The following LAMA3 variants were observed in gnomAD, a reference collection of about 807,000 sequenced individuals.
LAMA3 encodes the protein laminin subunit alpha-3.
LAMA3 carries 281 observed loss-of-function variants against 402.0 expected under a neutral mutation model. That is an observed-to-expected ratio of 0.70 (90% confidence interval 0.63 to 0.77). The LOEUF (loss-of-function observed/expected upper bound fraction) is 0.77, where lower values mean the gene tolerates loss of function less well. Ranked by LOEUF, LAMA3 falls within the 30% of genes least tolerant of loss-of-function variation. The pLI, the probability that LAMA3 is intolerant of heterozygous loss-of-function variation, is 0.00. For missense variants in LAMA3, 3,840 were observed against 4,215.5 expected (o/e 0.91, Z 2.47); for synonymous variants, 1,431 against 1,558.4 (o/e 0.92, Z 1.93).
At chr18:23,722,486 G>T (rs1364855440) in intron 2 of LAMA3, among the ~76,000 whole-genome samples, 1 of 152,212 alleles carries the variant, frequency 6.6e-6, no homozygotes, top group Non-Finnish European at 1.5e-5. Context: ...TTCCAATACT[G>T]TTGTTTTCTT....
At chr18:23,821,060 G>A (rs1289223585) in intron 19 of LAMA3, among the ~76,000 whole-genome samples, 1 of 152,132 alleles carries the variant, frequency 6.6e-6, no homozygotes, top group Admixed American at 6.6e-5. Flanking sequence ...AAATTCCATT[G>A]TGTCATAATA....
chr18:23,708,171 T>A (rs999887771), intron 1 of LAMA3, among the ~76,000 whole-genome samples: 3 of 152,206 alleles, frequency 2.0e-5, no homozygotes, highest in Non-Finnish European at 4.4e-5. Flanking sequence ...CGGTCTGACA[T>A]ACCACCTATG....
rs947043432 is a variant in LAMA3, at chr18:23,890,061, A to G, written c.5354A>G (p.Gln1785Arg). 1 of 1,614,228 alleles carries G rather than the reference A, an allele frequency of 6.2e-7. No individual in the cohort carries two copies. Among genetic ancestry groups the G allele is most frequent in the Admixed American group, 1.7e-5 (1 of 60,030 alleles). The change falls in exon 42 of 75, where the codon CAA becomes CGA. Residue 1785 changes from glutamine (Q) to arginine (R), a missense_variant. Around this residue, in one of 3 missense-constraint regions of LAMA3, gnomAD observed 2,109 missense variants for 2,376.0 expected, o/e 0.89. Coordinates refer to ENST00000313654, the MANE Select transcript of LAMA3 (RefSeq NM_198129.4). ...GNPQKFGGSCQPCSCNSNGQL... is the reference protein window; with the variant it reads ...GNPQKFGGSCRPCSCNSNGQL... ...CCCCAGAAATTCGGAGGTAGCTGCCAACCATGCAGTTGTAACAGCAATGGC... is the reference window on the plus strand; with the variant it reads ...CCCCAGAAATTCGGAGGTAGCTGCCGACCATGCAGTTGTAACAGCAATGGC...
At chr18:23,903,471 C>G (rs8092118) in intron 49 of LAMA3, among the ~76,000 whole-genome samples, 6,229 of 152,162 alleles carry the variant, frequency 0.041, 431 homozygotes, top group African/African-American at 0.14. Flanking sequence ...TTTAGCAGTT[C>G]AATGGGGATT....
At chr18:23,944,702 G>A (rs2082644762) in intron 69 of LAMA3, among the ~76,000 whole-genome samples, 1 of 152,182 alleles carries the variant, frequency 6.6e-6, no homozygotes, top group South Asian at 2.1e-4. Context: ...CTGGAGGTGG[G>A]AATTAGCTGA....
intron 12 of LAMA3, among the ~76,000 whole-genome samples, chr18:23,788,899 T>C (rs972057368): frequency 2.0e-5 from 3 of 151,404 alleles, no homozygotes; most frequent in African/African-American, 7.3e-5. Flanking sequence ...TATACACACA[T>C]ATATATAATA....
intron 38 of LAMA3, 40 bp downstream of exon 38, chr18:23,871,701 T>G: frequency 6.6e-7 from 1 of 1,522,098 alleles, no homozygotes; most frequent in East Asian, 2.4e-5. Flanking sequence ...CCTAGGGAGC[T>G]CCTGTGGCCG....
intron 43 of LAMA3, 128 bp from the exon 44 acceptor site, chr18:23,894,779 G>A (rs2145059498): frequency 4.3e-6 from 5 of 1,150,728 alleles, no homozygotes; most frequent in Non-Finnish European, 1.3e-6. Context: ...CCCTGAGAAG[G>A]CCAGGGCTGT....
intron 38 of LAMA3, chr18:23,872,952 G>C: frequency 6.5e-7 from 1 of 1,535,104 alleles, no homozygotes; most frequent in Non-Finnish European, 8.9e-7. Flanking sequence ...TTCCTCACCT[G>C]AGTCAGGCAG....
intron 8 of LAMA3, among the ~76,000 whole-genome samples, chr18:23,770,849 A>G (rs988291684): frequency 1.3e-5 from 2 of 152,196 alleles, no homozygotes; most frequent in African/African-American, 2.4e-5. Context: ...ACATACTACT[A>G]CATACTCCCC....
At chr18:23,719,494 C>A (rs1187616719) in intron 2 of LAMA3, among the ~76,000 whole-genome samples, 1 of 152,092 alleles carries the variant, frequency 6.6e-6, no homozygotes, top group Non-Finnish European at 1.5e-5. Context: ...ATAGGGGAAA[C>A]TGCATTATAA....
At chr18:23,804,775 C>T (rs2062930404) in intron 12 of LAMA3, among the ~76,000 whole-genome samples, 1 of 152,132 alleles carries the variant, frequency 6.6e-6, no homozygotes, top group African/African-American at 2.4e-5. Context: ...TATTGTCCTC[C>T]TGATAGTGGG....
At chr18:23,838,911 G>A (rs553850427) in intron 26 of LAMA3, 33 bp downstream of exon 26, 3 of 1,259,022 alleles carry the variant, frequency 2.4e-6, no homozygotes, top group Non-Finnish European at 3.5e-6. Flanking sequence ...CCCCGTTCAT[G>A]TTCTGAGTGA....
chr18:23,804,928 A>G (rs1280576179), intron 12 of LAMA3, among the ~76,000 whole-genome samples: 1 of 152,182 alleles, frequency 6.6e-6, no homozygotes, highest in Non-Finnish European at 1.5e-5. Flanking sequence ...TGAGACCCTC[A>G]CCAGAAGCAG....
At chr18:23,717,984 C>T (rs916076005) in intron 2 of LAMA3, among the ~76,000 whole-genome samples, 43 of 152,060 alleles carry the variant, frequency 2.8e-4, no homozygotes, top group African/African-American at 1.0e-3. Flanking sequence ...TTTAATTATA[C>T]ATTATGCAGT....
At chr18:23,940,791 G>C (rs972647748) in intron 68 of LAMA3, among the ~76,000 whole-genome samples, 3 of 152,116 alleles carry the variant, frequency 2.0e-5, no homozygotes, top group Non-Finnish European at 4.4e-5. Flanking sequence ...TTCCAAAACT[G>C]TGCTAGTAGA....
rs1436166310 is a variant in LAMA3 at position 23,879,558 on chromosome 18, A to G, written c.5113-2378A>G. ...ACCCTTCTTTACATCGCTAGAGCCT[A>G]GCATAGTTGGGCATATAGTAAATGC... On this transcript the variant is annotated intron_variant, in intron 39 of 74. Transcript: ENST00000313654. This position sits in a 1 kb window ranked among gnomAD's most constrained non-coding sequence, Gnocchi z 4.2. 1.3e-5 allele frequency among the ~76,000 whole-genome samples: 2 copies of G among 152,200 alleles called. No individual in the cohort carries two copies. Among genetic ancestry groups the G allele is most frequent in the African/African-American group, 2.4e-5 (1 of 41,446 alleles).
intron 5 of LAMA3, 97 bp downstream of exon 5, chr18:23,751,185 CT>C: frequency 8.7e-7 from 1 of 1,148,068 alleles, no homozygotes; most frequent in Non-Finnish European, 1.3e-6. Flanking sequence ...CCTTTATAGC[CT>C]GTAATGATGT....
At chr18:23,888,388 C>T (rs1445328133) in intron 41 of LAMA3, among the ~76,000 whole-genome samples, 1 of 152,178 alleles carries the variant, frequency 6.6e-6, no homozygotes, top group Non-Finnish European at 1.5e-5. Flanking sequence ...ATTACATTAT[C>T]TCATATTCAC....
Sources: allele counts gnomAD v4.1 joint callset (sites outside exome capture counted in the v4.1 genomes callset), GRCh38; gene constraint gnomAD v4.1.1; regional missense constraint gnomAD v4.1.1; non-coding constraint Gnocchi (gnomAD v3.1); transcripts MANE v1.5; gene names NCBI Gene and HGNC (gene_info 2026-07-23, HGNC 2026-07-21).